SLC6A2: variants seen among roughly 807,000 people sequenced by gnomAD.
SLC6A2 encodes the protein sodium-dependent noradrenaline transporter.
In SLC6A2, 26 loss-of-function variants were observed where a neutral mutation model predicts 71.7. The ratio of observed to expected loss-of-function variants is 0.36; its 90% CI spans 0.27 to 0.50. The LOEUF is 0.50. Ranked by LOEUF, SLC6A2 falls within the 20% of genes least tolerant of loss-of-function variation. The pLI, the probability that SLC6A2 is intolerant of heterozygous loss-of-function variation, is 0.96. For synonymous variants in SLC6A2, 363 were observed against 337.9 expected, an observed-to-expected ratio of 1.07 and a Z score of -0.82; for missense variants, 581 against 803.9, an observed-to-expected ratio of 0.72 and a Z score of 3.35.
chr16:55,656,835 G>A lies in SLC6A2; in HGVS notation c.141G>A (p.Ala47=). ...KERNGVQCLL[A]PRDGDAQPRE... is the part of the protein sequence containing the mutation. ...GCAACGGCGTCCAGTGCCTGCTGGC[G>A]CCCCGCGACGGCGACGCGCAGCCCC... Residue 47 remains alanine (A), a synonymous_variant, in exon 2 of 15, where the codon GCG becomes GCA. Transcript: ENST00000568943. The surrounding 1 kb of genome is among the most constrained non-coding windows in gnomAD (Gnocchi z 4.5). 6.2e-7 allele frequency: 1 copy of A among 1,613,552 alleles called. No individual in the cohort carries two copies. Among genetic ancestry groups the A allele is most frequent in the East Asian group, 2.2e-5 (1 of 44,832 alleles).
chr16:55,657,008 T>C, intron 2 of SLC6A2, 40 bp downstream of exon 2: 1 of 1,604,588 alleles, frequency 6.2e-7, no homozygotes, highest in Non-Finnish European at 8.5e-7. Flanking sequence ...ATCTGGGAGG[T>C]CCACTGTCTG....
At chr16:55,675,779 GA>G (rs11418298) in intron 4 of SLC6A2, among the ~76,000 whole-genome samples, 36,532 of 149,936 alleles carry the variant, frequency 0.24, 4,501 homozygotes, top group Middle Eastern at 0.32. Flanking sequence ...AAAAAGTGTG[GA>G]AAAAAAAAAC....
intron 10 of SLC6A2, 127 bp downstream of exon 10, chr16:55,698,152 A>G: frequency 9.5e-7 from 1 of 1,056,902 alleles, no homozygotes; most frequent in South Asian, 1.3e-5. Context: ...AGCATCCTCA[A>G]TTCAGCGGCC....
At position 55,705,206 on chromosome 16, in the gene SLC6A2, T is replaced by C; in HGVS notation, c.*2860T>C. ...GTTATTTAGCACCCACCTTTTAGCTTTCATTCTAGATGAAAACGAGACAAG... is the reference window on the plus strand; with the variant it reads ...GTTATTTAGCACCCACCTTTTAGCTCTCATTCTAGATGAAAACGAGACAAG... On this transcript the variant is annotated 3_prime_UTR_variant, in exon 15 of 15. Transcript: ENST00000568943. 2 of 1,534,498 alleles carry C rather than the reference T, an allele frequency of 1.3e-6. No individual in the cohort carries two copies. The highest frequency in any genetic ancestry group is 1.7e-6 in the Non-Finnish European group (2 of 1,145,114).
intron 5 of SLC6A2, among the ~76,000 whole-genome samples, chr16:55,691,033 G>A (rs548377509): frequency 7.2e-5 from 11 of 152,052 alleles, no homozygotes; most frequent in African/African-American, 1.2e-4. Context: ...ATGGTCAGAG[G>A]TTCTGCTTTC....
At position 55,695,510 on chromosome 16, in the gene SLC6A2, C is replaced by T; in HGVS notation, c.1147+108C>T. 6 of 1,297,942 alleles carry T rather than the reference C, an allele frequency of 4.6e-6. No individual in the cohort carries two copies. The South Asian group carries it at 6.0e-5, about 13-fold the overall frequency. The allele number at this position is 1,297,942 out of a possible 1,614,324, so 80.4% of individuals were successfully genotyped here. ...CGTGGCTGTAGGAATACTGGGTTGT[C>T]CATGGAGGTGTCCAAACCACCCATG... On this transcript the variant is annotated intron_variant, in intron 8 of 14. Transcript: ENST00000568943.
chr16:55,682,008 G>A (rs1250006254), intron 4 of SLC6A2, among the ~76,000 whole-genome samples: 2 of 152,330 alleles, frequency 1.3e-5, no homozygotes, highest in African/African-American at 4.8e-5. Flanking sequence ...CCAGGTTCAA[G>A]CAATTCTCAT....
intron 13 of SLC6A2, 59 bp from the exon 14 acceptor site, chr16:55,701,804 G>C (rs1191440514): frequency 7.5e-7 from 1 of 1,326,848 alleles, no homozygotes; most frequent in Non-Finnish European, 1.1e-6. Flanking sequence ...GTGCAGCCAG[G>C]CTGCCAGAAG....
rs539544090 is a variant in SLC6A2 at position 55,671,816 on chromosome 16, G to A, written c.407-122G>A. 6.5e-5 allele frequency: 99 copies of A among 1,526,358 alleles called. No individual in the cohort carries two copies. The Middle Eastern group carries it at 1.4e-3, about 21-fold the overall frequency. 94.6% of individuals were successfully genotyped at this position (1,526,358 alleles called of 1,614,324 possible). A position where few individuals can be genotyped will look rare whatever the true frequency, so the allele number is the denominator to read the frequency against. ...ACTGGTGCTGAAAAGGTTGGGGACC[G>A]CTGTTCTGCAGGAAACGAGAGACAG... On this transcript the variant is annotated intron_variant, in intron 3 of 14. Transcript: ENST00000568943.
At chr16:55,694,187 C>T (rs1231788618) in intron 7 of SLC6A2, 74 bp downstream of exon 7, 1 of 1,094,006 alleles carries the variant, frequency 9.1e-7, no homozygotes, top group Non-Finnish European at 1.4e-6. Flanking sequence ...AGAGAGGGCT[C>T]TGGTCTGGAA....
intron 2 of SLC6A2, among the ~76,000 whole-genome samples, chr16:55,665,442 C>G (rs1053067017): frequency 1.3e-5 from 2 of 152,120 alleles, no homozygotes; most frequent in Non-Finnish European, 1.5e-5. Context: ...TGCATGACAC[C>G]AGCAGCGACA....
At chr16:55,660,881 T>A (rs551090758) in intron 2 of SLC6A2, among the ~76,000 whole-genome samples, 1 of 152,314 alleles carries the variant, frequency 6.6e-6, no homozygotes, top group East Asian at 1.9e-4. Flanking sequence ...ATGGAGGATA[T>A]TTTGAAATGA....
At chr16:55,672,521 A>C (rs1475685931) in intron 4 of SLC6A2, among the ~76,000 whole-genome samples, 1 of 152,180 alleles carries the variant, frequency 6.6e-6, no homozygotes. Context: ...ATGTGGGAAA[A>C]ATCAATCATG....
chr16:55,683,500 G>A (rs1596988044), intron 4 of SLC6A2, among the ~76,000 whole-genome samples: 3 of 152,110 alleles, frequency 2.0e-5, no homozygotes, highest in Admixed American at 2.0e-4. Flanking sequence ...GTAATCCCAG[G>A]TATTCAGGAG....
intron 2 of SLC6A2, among the ~76,000 whole-genome samples, chr16:55,658,793 G>C (rs924593185): frequency 1.3e-4 from 20 of 152,160 alleles, no homozygotes; most frequent in Non-Finnish European, 2.1e-4. Flanking sequence ...GACTCTGCGG[G>C]CTCAATGTTT....
At chr16:55,660,827 A>C (rs974941809) in intron 2 of SLC6A2, among the ~76,000 whole-genome samples, 9 of 152,322 alleles carry the variant, frequency 5.9e-5, no homozygotes, top group Non-Finnish European at 1.0e-4. Context: ...TGCCAGTATT[A>C]ACACTGTAAC....
At chr16:55,664,295 C>T (rs967975267) in intron 2 of SLC6A2, among the ~76,000 whole-genome samples, 3 of 152,204 alleles carry the variant, frequency 2.0e-5, no homozygotes, top group Non-Finnish European at 2.9e-5. Flanking sequence ...TCATGCAGCA[C>T]TACAGGGCAT....
intron 4 of SLC6A2, among the ~76,000 whole-genome samples, chr16:55,675,042 C>T (rs1302994843): frequency 6.6e-6 from 1 of 152,120 alleles, no homozygotes; most frequent in Admixed American, 6.5e-5. Context: ...TAAATAATAG[C>T]CATTCTGTTG....
At chr16:55,694,575 G>T (rs1052487617) in intron 7 of SLC6A2, among the ~76,000 whole-genome samples, 1 of 152,106 alleles carries the variant, frequency 6.6e-6, no homozygotes, top group Admixed American at 6.5e-5. Flanking sequence ...CCAGTGCTGT[G>T]GGGACTTCAG....
Sources: gnomAD v4.1 joint callset for allele counts (sites outside exome capture counted in the v4.1 genomes callset) on GRCh38, gnomAD v4.1.1 for gene constraint, Gnocchi (gnomAD v3.1) non-coding constraint, MANE v1.5 for transcripts, NCBI Gene and HGNC (gene_info 2026-07-23, HGNC 2026-07-21) for gene names.